GNG12: variants seen among roughly 807,000 people sequenced by gnomAD.
GNG12 encodes guanine nucleotide-binding protein G(I)/G(S)/G(O) subunit gamma-12.
For missense variants in GNG12, 69 were observed against 83.8 expected, an observed-to-expected ratio of 0.82 and a Z score of 0.69; for synonymous variants, 28 against 29.7, an observed-to-expected ratio of 0.94 and a Z score of 0.19.
chr1:67,818,425 T>G (rs1459370610), intron 1 of GNG12, among the ~76,000 whole-genome samples: 1 of 148,010 alleles, frequency 6.8e-6, no homozygotes, highest in Non-Finnish European at 1.5e-5. Context: ...TTTTTTTTTT[T>G]TTTTTTTTTT....
intron 1 of GNG12, among the ~76,000 whole-genome samples, chr1:67,787,575 G>A (rs917174861): frequency 6.6e-6 from 1 of 152,128 alleles, no homozygotes; most frequent in African/African-American, 2.4e-5. Context: ...AGCACTGACA[G>A]GGGGGACAGC....
intron 2 of GNG12, among the ~76,000 whole-genome samples, chr1:67,746,574 G>T (rs1310002112): frequency 6.6e-6 from 1 of 152,164 alleles, no homozygotes; most frequent in Non-Finnish European, 1.5e-5. Context: ...AAGGGATGGA[G>T]AAGTGCCCAG....
At chr1:67,788,055 G>A (rs540385015) in intron 1 of GNG12, among the ~76,000 whole-genome samples, 2 of 152,326 alleles carry the variant, frequency 1.3e-5, no homozygotes, top group South Asian at 4.1e-4. Flanking sequence ...ACATGTGACT[G>A]ACCTCCCCAA....
intron 1 of GNG12, among the ~76,000 whole-genome samples, chr1:67,785,291 T>C (rs1400581253): frequency 6.6e-6 from 1 of 152,220 alleles, no homozygotes; most frequent in Non-Finnish European, 1.5e-5. Context: ...CACAGTTTTT[T>C]ATACAGGCAA....
At chr1:67,746,376 G>T (rs940079813) in intron 2 of GNG12, among the ~76,000 whole-genome samples, 1 of 152,068 alleles carries the variant, frequency 6.6e-6, no homozygotes, top group Non-Finnish European at 1.5e-5. Flanking sequence ...CCTCTAGCTC[G>T]ATGAGCACTT....
intron 2 of GNG12, among the ~76,000 whole-genome samples, chr1:67,715,032 C>T (rs1460779865): frequency 2.0e-5 from 3 of 152,190 alleles, no homozygotes; most frequent in Non-Finnish European, 4.4e-5. Flanking sequence ...GGTTCTCCTG[C>T]CTTAGCCTCC....
chr1:67,730,947 T>C (rs1646415541), intron 2 of GNG12, among the ~76,000 whole-genome samples: 1 of 152,160 alleles, frequency 6.6e-6, no homozygotes, highest in African/African-American at 2.4e-5. Flanking sequence ...ATACATTTTC[T>C]GGGGAGAGGC....
At chr1:67,785,245 A>G (rs1218451771) in intron 1 of GNG12, among the ~76,000 whole-genome samples, 1 of 152,208 alleles carries the variant, frequency 6.6e-6, no homozygotes, top group East Asian at 1.9e-4. Context: ...CAGCAAATTT[A>G]CTATAACAAT....
chr1:67,739,702 A>T (rs577635710), intron 2 of GNG12, among the ~76,000 whole-genome samples: 1 of 152,332 alleles, frequency 6.6e-6, no homozygotes, highest in Non-Finnish European at 1.5e-5. Flanking sequence ...GGGTTGAGGG[A>T]AGAGTTATGT....
intron 1 of GNG12, among the ~76,000 whole-genome samples, chr1:67,777,951 T>C (rs1385528282): frequency 1.3e-5 from 2 of 152,144 alleles, no homozygotes; most frequent in Non-Finnish European, 2.9e-5. Context: ...TCTGATCATA[T>C]ACATAAACAC....
chr1:67,807,113 C>G (rs1336164893), intron 1 of GNG12, among the ~76,000 whole-genome samples: 1 of 152,042 alleles, frequency 6.6e-6, no homozygotes, highest in Non-Finnish European at 1.5e-5. Flanking sequence ...TGAAATTAAG[C>G]TAGAATTCAA....
At chr1:67,826,341 T>C (rs1004233772) in intron 1 of GNG12, among the ~76,000 whole-genome samples, 1 of 152,234 alleles carries the variant, frequency 6.6e-6, no homozygotes, top group African/African-American at 2.4e-5. Context: ...AGGATGCATG[T>C]GGTTTTGTTT....
intron 2 of GNG12, among the ~76,000 whole-genome samples, chr1:67,765,873 C>T (rs929233654): frequency 6.6e-5 from 10 of 152,068 alleles, no homozygotes; most frequent in Non-Finnish European, 1.0e-4. Flanking sequence ...GTGGGCTTTA[C>T]GTCTGCCACA....
chr1:67,723,534 G>A (rs1030872593), intron 2 of GNG12, among the ~76,000 whole-genome samples: 2 of 152,182 alleles, frequency 1.3e-5, no homozygotes, highest in African/African-American at 4.8e-5. Flanking sequence ...TCTGGTAGTT[G>A]TGAGTTTTTC....
chr1:67,833,143 C>T (rs1647060997), intron 1 of GNG12, among the ~76,000 whole-genome samples: 1 of 150,536 alleles, frequency 6.6e-6, no homozygotes, highest in Non-Finnish European at 1.5e-5. Flanking sequence ...CGGTCTCCGG[C>T]GCCCAGCGCC....
At chr1:67,761,834 C>T (rs1270953158) in intron 2 of GNG12, among the ~76,000 whole-genome samples, 2 of 152,104 alleles carry the variant, frequency 1.3e-5, no homozygotes, top group Non-Finnish European at 2.9e-5. Context: ...ATCAGGAAAA[C>T]TCTCTCAGTG....
chr1:67,825,084 T>C lies in GNG12; in HGVS notation c.-77+8260A>G, dbSNP rs542815854. On this transcript the variant is annotated intron_variant, in intron 1 of 3. Coordinates refer to ENST00000370982, the MANE Select transcript of GNG12 (RefSeq NM_018841.6). The stretch of plus-strand genomic sequence containing the variant: ...AGAGGGCAAGGCATGTGCTGGAATA[T>C]TCTGCTGAATTTGACAGAGATATTC... Among the ~76,000 whole-genome samples, 3 of 152,356 alleles carry C rather than the reference T, an allele frequency of 2.0e-5. No individual in the cohort carries two copies. The East Asian group carries it at 5.8e-4, about 29-fold the overall frequency.
intron 2 of GNG12, among the ~76,000 whole-genome samples, chr1:67,716,019 T>C (rs1251303493): frequency 6.6e-6 from 1 of 152,148 alleles, no homozygotes; most frequent in Non-Finnish European, 1.5e-5. Context: ...CAGCTGCAAG[T>C]GCTGCCCTGG....
chr1:67,797,519 C>G (rs1012641208), intron 1 of GNG12, among the ~76,000 whole-genome samples: 1 of 152,164 alleles, frequency 6.6e-6, no homozygotes, highest in Admixed American at 6.5e-5. Flanking sequence ...CCAAACAACT[C>G]AAGTATGAAC....
Sources: allele counts gnomAD v4.1 joint callset (sites outside exome capture counted in the v4.1 genomes callset), GRCh38; gene constraint gnomAD v4.1.1; transcripts MANE v1.5; gene names NCBI Gene and HGNC (gene_info 2026-07-23, HGNC 2026-07-21).